The following TECTA variants were observed in gnomAD, a reference collection of about 807,000 sequenced individuals.
TECTA encodes tectorin alpha, also known as alpha-tectorin.
A neutral mutation model predicts 216.8 loss-of-function variants in TECTA; 128 were observed. The observed-to-expected ratio is 0.59, with a 90% CI of 0.51 to 0.68. The LOEUF is 0.68. TECTA is among the 30% of genes least tolerant of loss of function. The pLI, the probability that TECTA is intolerant of heterozygous loss-of-function variation, is 0.00. For missense variants in TECTA, 2,551 were observed against 2,786.2 expected, an observed-to-expected ratio of 0.92 and a Z score of 1.90; for synonymous variants, 1,089 against 1,117.1, an observed-to-expected ratio of 0.97 and a Z score of 0.50.
At chr11:121,184,581 G>A (rs1346504950) in intron 20 of TECTA, among the ~76,000 whole-genome samples, 3 of 152,196 alleles carry the variant, frequency 2.0e-5, no homozygotes, top group Admixed American at 2.0e-4. Flanking sequence ...GAAGAAGGGT[G>A]TGGTTCTGGG....
At chr11:121,143,544 G>C (rs1946804414) in intron 11 of TECTA, among the ~76,000 whole-genome samples, 1 of 152,296 alleles carries the variant, frequency 6.6e-6, no homozygotes, top group African/African-American at 2.4e-5. Context: ...ACATGATATT[G>C]TTATCTGTCT....
chr11:121,109,573 G>GAGT, intron 4 of TECTA, 75 bp downstream of exon 4: 1 of 1,547,792 alleles, frequency 6.5e-7, no homozygotes, highest in South Asian at 1.1e-5. Context: ...TACCACGAAG[G>GAGT]AGTCTAATTA....
chr11:121,108,375 C>G lies in TECTA; in HGVS notation c.199-836C>G, dbSNP rs1166254561. ...CCCTCAGTACACACACATGTACACA[C>G]CAACCCCAGTATACACACACATACA... On this transcript the variant is annotated intron_variant, in intron 3 of 23. Coordinates refer to ENST00000392793, the MANE Select transcript of TECTA (RefSeq NM_005422.4). Among the ~76,000 whole-genome samples, 9 of 150,902 alleles carry G rather than the reference C, an allele frequency of 6.0e-5. No individual in the cohort carries two copies. The South Asian group carries it at 1.9e-3, about 32-fold the overall frequency.
chr11:121,143,591 G>T (rs921778896), intron 11 of TECTA, among the ~76,000 whole-genome samples: 3 of 152,240 alleles, frequency 2.0e-5, no homozygotes, highest in Non-Finnish European at 1.5e-5. Context: ...GGAACTCCTA[G>T]GGAAAGGCCG....
At chr11:121,175,632 T>C (rs1203350519) in intron 20 of TECTA, among the ~76,000 whole-genome samples, 1 of 152,198 alleles carries the variant, frequency 6.6e-6, no homozygotes, top group Non-Finnish European at 1.5e-5. Context: ...AATTTTGGAA[T>C]AGGTGTGGTG....
Position 121,105,910 on chromosome 11 carries a change from G to A in TECTA, c.144G>A (p.Glu48=), listed in dbSNP as rs751702344. 6.2e-7 allele frequency: 1 copy of A among 1,614,222 alleles called. No homozygotes were observed. Among genetic ancestry groups the A allele is most frequent in the Admixed American group, 1.7e-5 (1 of 60,028 alleles). Residue 48 remains glutamate, a synonymous_variant, in exon 3 of 24, where the codon GAG becomes GAA. Transcript: ENST00000392793. The surrounding 1 kb of genome is among the most constrained non-coding windows in gnomAD (Gnocchi z 5.3). ...TPKVDDGSSS[E]IKLAIPVFFF... ...AAGTAGATGATGGAAGCTCATCTGA[G>A]ATTAAGTTGGCCATCCCAGTTTTCT... is the stretch of plus-strand genomic sequence containing the variant.
At chr11:121,125,905 C>G (rs1946607011) in intron 8 of TECTA, 33 bp downstream of exon 8, 2 of 1,598,886 alleles carry the variant, frequency 1.3e-6, no homozygotes, top group Non-Finnish European at 1.7e-6. Context: ...TGACAGGTCT[C>G]TCTTGTGCAG....
At chr11:121,160,107 A>G (rs765704919) in intron 14 of TECTA, 28 bp from the exon 15 acceptor site, 3 of 1,614,110 alleles carry the variant, frequency 1.9e-6, no homozygotes, top group Non-Finnish European at 2.5e-6. Flanking sequence ...TCTAAGCGTA[A>G]TTATTTTCTT....
In TECTA at chr11:121,118,580, T is replaced by A; in HGVS notation, c.1065T>A (p.Thr355=). The A allele has an allele frequency of 6.2e-7, 1 of 1,614,210 alleles. No homozygotes were observed. Among genetic ancestry groups the A allele is most frequent in the Non-Finnish European group, 8.5e-7 (1 of 1,180,044 alleles). ...AYLLARQCLQ[T]SSLPFFSVEA... ...TGCTGGCCCGACAGTGTTTGCAGAC[T>A]TCCAGCCTCCCTTTCTTCAGTGTGG... is the stretch of plus-strand genomic sequence containing the variant. Residue 355 remains threonine (T), a synonymous_variant, in exon 7 of 24, where the codon ACT becomes ACA. Coordinates refer to ENST00000392793, the MANE Select transcript of TECTA (RefSeq NM_005422.4).
At position 121,187,352 on chromosome 11, in the gene TECTA, C is replaced by T. The variant is rs116285421; in HGVS notation, c.6000-480C>T. On this transcript the variant is annotated intron_variant, in intron 20 of 23. Coordinates refer to ENST00000392793, the MANE Select transcript of TECTA (RefSeq NM_005422.4). Reference sequence around the variant, plus strand: ...ATCAAAACGACTCTGCAGCTCACCCCGACTGGTCTTCTTTCCCCTCCAGCT... The same window carrying T: ...ATCAAAACGACTCTGCAGCTCACCCTGACTGGTCTTCTTTCCCCTCCAGCT... 9.1e-3 allele frequency among the ~76,000 whole-genome samples: 1,388 copies of T among 152,324 alleles called. 16 individuals carry two copies. Among genetic ancestry groups the T allele is most frequent in the African/African-American group, 0.025 (1,043 of 41,580 alleles).
In TECTA at chr11:121,168,190, T is replaced by C. The variant is rs1162223612; in HGVS notation, c.5723T>C (p.Leu1908Ser). The part of the protein sequence containing the change: ...CAYELDIKIS[L>S]DSVVKPMLSV... ...TATGAGCTGGATATCAAGATCTCCT[T>C]GGATTCTGTTGTGAAGCCTATGCTA... Residue 1908 changes from leucine (L) to serine (S), a missense_variant, in exon 19 of 24, where the codon TTG becomes TCG. Transcript: ENST00000392793. 1 of 1,614,130 alleles carries C rather than the reference T, an allele frequency of 6.2e-7. No homozygotes were observed. The highest frequency in any genetic ancestry group is 8.5e-7 in the Non-Finnish European group (1 of 1,180,046).
At chr11:121,166,439 G>A in intron 17 of TECTA, 139 bp from the exon 18 acceptor site, 1 of 841,188 alleles carries the variant, frequency 1.2e-6, no homozygotes, top group Non-Finnish European at 2.0e-6. Context: ...TTTGATCAAA[G>A]CATAATTAGA....
At chr11:121,120,514 G>A (rs1946547230) in intron 7 of TECTA, among the ~76,000 whole-genome samples, 1 of 152,172 alleles carries the variant, frequency 6.6e-6, no homozygotes, top group Non-Finnish European at 1.5e-5. Flanking sequence ...ATGCTGGGAG[G>A]CAGCTGACTT....
chr11:121,165,255 G>C lies in TECTA; in HGVS notation c.5273-18G>C, dbSNP rs745998734. On this transcript the variant is annotated intron_variant, in intron 16 of 23. Coordinates refer to ENST00000392793, the MANE Select transcript of TECTA (RefSeq NM_005422.4). Reference sequence around the variant, plus strand: ...TGAAAATGAAGTTGTGCATGTTTCTGTGTGTTTTTCTTTTTAGCAGGAGTG... The same window carrying C: ...TGAAAATGAAGTTGTGCATGTTTCTCTGTGTTTTTCTTTTTAGCAGGAGTG... The C allele has an allele frequency of 6.3e-7, 1 of 1,582,082 alleles. No individual in the cohort carries two copies. The highest frequency in any genetic ancestry group is 8.6e-7 in the Non-Finnish European group (1 of 1,162,596).
At chr11:121,169,715 A>G (rs1947092189) in intron 20 of TECTA, among the ~76,000 whole-genome samples, 1 of 152,188 alleles carries the variant, frequency 6.6e-6, no homozygotes, top group African/African-American at 2.4e-5. Flanking sequence ...GTTACTATTT[A>G]TATGAATTTC....
intron 10 of TECTA, among the ~76,000 whole-genome samples, chr11:121,136,334 G>A (rs1282875000): frequency 6.6e-6 from 1 of 152,104 alleles, no homozygotes; most frequent in Non-Finnish European, 1.5e-5. Context: ...GGATGGGTGG[G>A]ACTTGGCTTT....
At chr11:121,122,857 A>G (rs1447696345) in intron 7 of TECTA, among the ~76,000 whole-genome samples, 1 of 151,180 alleles carries the variant, frequency 6.6e-6, no homozygotes, top group African/African-American at 2.4e-5. Context: ...TGTTTCAAAA[A>G]AAAAAAAAAA....
At chr11:121,108,338 A>G (rs1783776) in intron 3 of TECTA, among the ~76,000 whole-genome samples, 58,079 of 149,750 alleles carry the variant, frequency 0.39, 11,157 homozygotes, top group Non-Finnish European at 0.42. Flanking sequence ...CAATATACAT[A>G]CACACACACC....
intron 20 of TECTA, 24 bp downstream of exon 20, chr11:121,168,949 C>T: frequency 3.1e-6 from 5 of 1,613,906 alleles, no homozygotes; most frequent in Non-Finnish European, 4.2e-6. Flanking sequence ...TTATAGACAA[C>T]ATTCTCAGAG....
Sources: allele counts gnomAD v4.1 joint callset (sites outside exome capture counted in the v4.1 genomes callset), GRCh38; gene constraint gnomAD v4.1.1; non-coding constraint Gnocchi (gnomAD v3.1); transcripts MANE v1.5; gene names NCBI Gene and HGNC (gene_info 2026-07-23, HGNC 2026-07-21).